Variants in SPATA16 observed in about 807,000 individuals in gnomAD.
SPATA16 encodes the protein spermatogenesis-associated protein 16.
In SPATA16, 36 loss-of-function variants were observed where a neutral mutation model predicts 63.3. The observed-to-expected ratio is 0.57, with a 90% CI of 0.44 to 0.75. The LOEUF (loss-of-function observed/expected upper bound fraction) is 0.75, where lower values mean the gene tolerates loss of function less well. Among genes scored for constraint, SPATA16 ranks in the 30% least tolerant of loss-of-function variants. SPATA16 has a pLI of 0.00. For missense variants in SPATA16, 646 were observed against 679.3 expected (o/e 0.95, Z 0.54); for synonymous variants, 203 against 216.7 (o/e 0.94, Z 0.56).
chr3:172,957,793 A>G (rs890117359), intron 5 of SPATA16, among the ~76,000 whole-genome samples: 10 of 152,230 alleles, frequency 6.6e-5, no homozygotes, highest in African/African-American at 2.2e-4. Flanking sequence ...TTACCCTCAC[A>G]GTATTTTGAA....
intron 4 of SPATA16, among the ~76,000 whole-genome samples, chr3:173,003,278 A>C (rs1734867027): frequency 6.6e-6 from 1 of 152,214 alleles, no homozygotes; most frequent in South Asian, 2.1e-4. Flanking sequence ...ATTGTCTAAT[A>C]AATGTACTAA....
At chr3:172,999,083 C>T (rs1734757838) in intron 4 of SPATA16, among the ~76,000 whole-genome samples, 1 of 152,082 alleles carries the variant, frequency 6.6e-6, no homozygotes, top group African/African-American at 2.4e-5. Context: ...CCTTCTGCTT[C>T]TATCTTCTGA....
chr3:172,948,423 GACAA>G lies in SPATA16; in HGVS notation c.1081+8250_1081+8253del, dbSNP rs1444877797. Among the ~76,000 whole-genome samples, 8 of 152,218 alleles carry G rather than the reference GACAA, an allele frequency of 5.3e-5. No individual in the cohort carries two copies. In the Middle Eastern group the frequency reaches 0.01, roughly 194 times the overall value. ...CGAAGGAGAAATTAAGACTTTCTCA[GACAA>G]ACAAAAGCTGAGGGATTACTTTTTC... On this transcript the variant is annotated intron_variant, in intron 6 of 10. Transcript: ENST00000351008.
At chr3:173,035,711 G>A (rs1190818083) in intron 3 of SPATA16, among the ~76,000 whole-genome samples, 2 of 152,082 alleles carry the variant, frequency 1.3e-5, no homozygotes, top group South Asian at 4.1e-4. Context: ...AAAAAGTAGA[G>A]TGGTTCTCAA....
rs759095818 is a variant in SPATA16 at position 172,960,885 on chromosome 3, C to CTT, written c.934-4062_934-4061insAA. ...ACTTACTTTCTTTCTCTCTTTCTTT[C>CTT]TCTCTCTCCTTCCTTCCTTCCTCCC... is the stretch of plus-strand genomic sequence containing the variant. On this transcript the variant is annotated intron_variant, in intron 5 of 10. Coordinates refer to ENST00000351008, the MANE Select transcript of SPATA16 (RefSeq NM_031955.6). Among the ~76,000 whole-genome samples the CTT allele has an allele frequency of 1.5e-3, 217 of 148,842 alleles. 2 individuals carry two copies. The highest frequency in any genetic ancestry group is 3.1e-3 in the African/African-American group (122 of 39,472).
At chr3:173,089,927 A>G (rs1406211617) in intron 2 of SPATA16, among the ~76,000 whole-genome samples, 2 of 152,164 alleles carry the variant, frequency 1.3e-5, no homozygotes, top group Non-Finnish European at 2.9e-5. Context: ...GTGGATTATA[A>G]TCACACTTCT....
intron 9 of SPATA16, among the ~76,000 whole-genome samples, chr3:172,915,742 G>C (rs556915260): frequency 6.6e-6 from 1 of 152,094 alleles, no homozygotes; most frequent in African/African-American, 2.4e-5. Context: ...TAAAGTGTCT[G>C]GTTTTCTGAA....
intron 10 of SPATA16, among the ~76,000 whole-genome samples, chr3:172,904,261 A>G (rs1020953210): frequency 1.4e-4 from 21 of 152,250 alleles, no homozygotes; most frequent in African/African-American, 5.1e-4. Flanking sequence ...ACTTATCTGA[A>G]ATAAATTTTT....
chr3:173,017,104 A>G (rs1353393194), intron 4 of SPATA16, among the ~76,000 whole-genome samples: 1 of 152,146 alleles, frequency 6.6e-6, no homozygotes, highest in Non-Finnish European at 1.5e-5. Flanking sequence ...ATTTATGTTC[A>G]CAGTTCATAG....
intron 3 of SPATA16, among the ~76,000 whole-genome samples, chr3:173,024,994 G>T (rs937220480): frequency 2.0e-5 from 3 of 150,612 alleles, no homozygotes; most frequent in Non-Finnish European, 4.5e-5. Context: ...TCTAATTATA[G>T]ATTTTAATTC....
chr3:172,911,441 C>T (rs976500240), intron 10 of SPATA16, among the ~76,000 whole-genome samples: 1 of 152,134 alleles, frequency 6.6e-6, no homozygotes, highest in African/African-American at 2.4e-5. Flanking sequence ...TTCCCCAGCC[C>T]GAAGACATGG....
intron 6 of SPATA16, among the ~76,000 whole-genome samples, chr3:172,953,733 C>T (rs1733506927): frequency 6.6e-6 from 1 of 152,214 alleles, no homozygotes; most frequent in Non-Finnish European, 1.5e-5. Context: ...TATGTGTTCA[C>T]TGACCCTTTT....
At chr3:172,965,801 C>G (rs1733905783) in intron 5 of SPATA16, among the ~76,000 whole-genome samples, 1 of 152,140 alleles carries the variant, frequency 6.6e-6, no homozygotes, top group Non-Finnish European at 1.5e-5. Context: ...TGGTCTCGAT[C>G]TCTTGACCTT....
intron 10 of SPATA16, among the ~76,000 whole-genome samples, chr3:172,902,289 A>G (rs1577082538): frequency 6.6e-6 from 1 of 151,950 alleles, no homozygotes; most frequent in South Asian, 2.1e-4. Flanking sequence ...TGATCTGCCC[A>G]CCTCAGCCTC....
chr3:173,030,072 ATC>A (rs1735566666), intron 3 of SPATA16, among the ~76,000 whole-genome samples: 1 of 149,946 alleles, frequency 6.7e-6, no homozygotes, highest in Non-Finnish European at 1.5e-5. Context: ...CTATCTATCT[ATC>A]TATCTATCTA....
At chr3:172,975,765 T>C (rs1296008461) in intron 5 of SPATA16, among the ~76,000 whole-genome samples, 1 of 151,530 alleles carries the variant, frequency 6.6e-6, no homozygotes, top group Admixed American at 6.6e-5. Context: ...CTAATTTAAA[T>C]TTTTTTTTAA....
chr3:173,039,800 A>C (rs1270595389), intron 3 of SPATA16, among the ~76,000 whole-genome samples: 1 of 152,148 alleles, frequency 6.6e-6, no homozygotes, highest in East Asian at 1.9e-4. Context: ...TCATAGAGGC[A>C]ATACAGGAGT....
intron 8 of SPATA16, among the ~76,000 whole-genome samples, chr3:172,917,951 A>C (rs1732532476): frequency 6.6e-6 from 1 of 152,208 alleles, no homozygotes; most frequent in Non-Finnish European, 1.5e-5. Context: ...ATCGTGCTGT[A>C]TCTGCTTTAT....
At chr3:173,115,711 A>T (rs895176853) in intron 2 of SPATA16, among the ~76,000 whole-genome samples, 1 of 152,182 alleles carries the variant, frequency 6.6e-6, no homozygotes, top group East Asian at 1.9e-4. Flanking sequence ...TAAAATATTT[A>T]GGGACACCAT....
Sources: gnomAD v4.1 joint callset for allele counts (sites outside exome capture counted in the v4.1 genomes callset) on GRCh38, gnomAD v4.1.1 for gene constraint, MANE v1.5 for transcripts, NCBI Gene and HGNC (gene_info 2026-07-23, HGNC 2026-07-21) for gene names.